ZNF69: variants seen among roughly 807,000 people sequenced by gnomAD.
ZNF69 encodes the protein zinc finger protein 69, also known as ZNF3.
Under a neutral mutation model 50.9 loss-of-function variants are expected in ZNF69, and 47 were observed. The ratio of observed to expected loss-of-function variants is 0.92; its 90% CI spans 0.73 to 1.18. The LOEUF (loss-of-function observed/expected upper bound fraction) is 1.18, where lower values mean the gene tolerates loss of function less well. Ranked by LOEUF, ZNF69 falls within the 50% of genes most tolerant of loss-of-function variation. The pLI is 0.00. For missense variants in ZNF69, 717 were observed against 675.1 expected, an observed-to-expected ratio of 1.06 and a Z score of -0.69; for synonymous variants, 216 against 223.1, an observed-to-expected ratio of 0.97 and a Z score of 0.29.
the ZNF69 span, among the ~76,000 whole-genome samples, chr19:11,965,775 C>A: frequency 3.3e-5 from 5 of 152,126 alleles, no homozygotes; most frequent in African/African-American, 4.8e-5. Flanking sequence ...AAACACAACC[C>A]CAAGAAGCCT....
At chr19:11,948,823 A>G in the ZNF69 span, 13 of 1,608,242 alleles carry the variant, frequency 8.1e-6, no homozygotes, top group Non-Finnish European at 1.1e-5. Context: ...TACCCTTCAA[A>G]TACATGAAAG....
At chr19:11,964,925 C>G in the ZNF69 span, 2 of 441,710 alleles carry the variant, frequency 4.5e-6, no homozygotes, top group Non-Finnish European at 8.3e-6. Flanking sequence ...GCCTGATACC[C>G]AAGGCTTCCG....
At chr19:11,902,844 C>T (rs1972275130) in intron 1 of ZNF69, among the ~76,000 whole-genome samples, 1 of 152,030 alleles carries the variant, frequency 6.6e-6, no homozygotes, top group African/African-American at 2.4e-5. Flanking sequence ...ATGACAGATG[C>T]TACAGTCCAA....
chr19:11,927,025 C>T, the ZNF69 span, among the ~76,000 whole-genome samples: 15 of 152,064 alleles, frequency 9.9e-5, no homozygotes, highest in Non-Finnish European at 1.3e-4. Flanking sequence ...GAATTCAAGA[C>T]GAGTCACAAA....
chr19:11,925,099 G>A, the ZNF69 span: 1 of 1,264,602 alleles, frequency 7.9e-7, no homozygotes, highest in Non-Finnish European at 1.1e-6. Context: ...AATGGAGGGG[G>A]TCGCTTTCCT....
rs75636307 is a variant in ZNF69 at position 11,906,243 on chromosome 19, A to G, written c.*145A>G. Reference sequence around the variant, plus strand: ...AGTAAAGGACACAAGCACACATAAGAATGCATTCTGGATAGCTGAACAAAA... The same window carrying G: ...AGTAAAGGACACAAGCACACATAAGGATGCATTCTGGATAGCTGAACAAAA... On this transcript the variant is annotated 3_prime_UTR_variant, in exon 4 of 4. Coordinates refer to ENST00000429654, the MANE Select transcript of ZNF69 (RefSeq NM_001364730.1). The G allele has an allele frequency of 0.016, 23,854 of 1,506,272 alleles. 520 individuals are homozygous for G. Among genetic ancestry groups the G allele is most frequent in the African/African-American group, 0.11 (7,733 of 71,558 alleles). The allele number at this position is 1,506,272 out of a possible 1,614,324, so 93.3% of individuals were successfully genotyped here. A position where few individuals can be genotyped will look rare whatever the true frequency, so the allele number is the denominator to read the frequency against.
intron 1 of ZNF69, among the ~76,000 whole-genome samples, chr19:11,900,832 C>A (rs1307260594): frequency 6.6e-6 from 1 of 152,012 alleles, no homozygotes; most frequent in African/African-American, 2.4e-5. Context: ...GAATGAAGTC[C>A]AATTTATCGA....
the ZNF69 span, among the ~76,000 whole-genome samples, chr19:11,924,579 G>A: frequency 1.2e-4 from 19 of 152,198 alleles, no homozygotes; most frequent in Non-Finnish European, 1.9e-4. Context: ...CCTGGTGAGA[G>A]TTTCCTGCTG....
the ZNF69 span, chr19:11,948,569 G>C: frequency 1.9e-6 from 3 of 1,606,862 alleles, no homozygotes; most frequent in Non-Finnish European, 2.5e-6. Context: ...CCATCCATTA[G>C]AACACAAGAA....
At position 11,905,052 on chromosome 19, in the gene ZNF69, C is replaced by G. The variant is rs775881981; in HGVS notation, c.655C>G (p.Pro219Ala). ...RHVVMHSGDG[P>A]YKCKFCGKAF... ...CGTGGTAATGCACAGTGGGGATGGA[C>G]CTTATAAATGTAAATTTTGTGGGAA... The change falls in exon 4 of 4, where the codon CCT (proline) becomes GCT (alanine). Residue 219 changes from proline to alanine, a missense_variant. By Grantham distance (27) the Pro-to-Ala change is conservative (BLOSUM62 -1). Coordinates refer to ENST00000429654, the MANE Select transcript of ZNF69 (RefSeq NM_001364730.1). 7 of 1,613,974 alleles carry G rather than the reference C, an allele frequency of 4.3e-6. No homozygotes were observed. In the East Asian group the frequency reaches 1.3e-4, roughly 31 times the overall value.
downstream of ZNF69, among the ~76,000 whole-genome samples, chr19:11,915,172 T>C (rs1260767274): frequency 1.3e-5 from 2 of 152,150 alleles, no homozygotes; most frequent in Admixed American, 1.3e-4. Context: ...CATTGCACCC[T>C]GCAGCCTAGT....
chr19:11,920,122 T>C, the ZNF69 span, among the ~76,000 whole-genome samples: 1 of 151,334 alleles, frequency 6.6e-6, no homozygotes, highest in Non-Finnish European at 1.5e-5. Context: ...TTTTTTTTTT[T>C]CTTCCTGAGA....
At chr19:11,943,290 G>A in the ZNF69 span, among the ~76,000 whole-genome samples, 2 of 152,130 alleles carry the variant, frequency 1.3e-5, no homozygotes, top group African/African-American at 4.8e-5. Flanking sequence ...GACAGCAATT[G>A]GTTAGGTTAA....
the ZNF69 span, among the ~76,000 whole-genome samples, chr19:11,941,090 C>A: frequency 2.0e-3 from 297 of 152,294 alleles, 2 homozygotes; most frequent in African/African-American, 6.6e-3. Flanking sequence ...ATTCACAAAC[C>A]CTGAGCTAGA....
intron 1 of ZNF69, among the ~76,000 whole-genome samples, chr19:11,889,002 C>T (rs149369239): frequency 3.5e-4 from 53 of 151,840 alleles, no homozygotes; most frequent in South Asian, 1.9e-3. Flanking sequence ...ACAGAAAGGG[C>T]GGGACCTGTG....
At chr19:11,977,116 C>A in the ZNF69 span, 2 of 1,614,010 alleles carry the variant, frequency 1.2e-6, no homozygotes, top group African/African-American at 1.3e-5. Flanking sequence ...GCAGAGGAAA[C>A]TCTACAGGGA....
At chr19:11,967,490 C>T in the ZNF69 span, among the ~76,000 whole-genome samples, 6 of 152,058 alleles carry the variant, frequency 3.9e-5, no homozygotes, top group African/African-American at 1.4e-4. Flanking sequence ...CTGCAAGCTC[C>T]ACCTCCCGGG....
the ZNF69 span, among the ~76,000 whole-genome samples, chr19:11,929,791 A>G: frequency 2.0e-5 from 3 of 148,136 alleles, no homozygotes; most frequent in Middle Eastern, 3.4e-3. Context: ...TTGCAGTGAA[A>G]TCTGTTTCTG....
the ZNF69 span, chr19:11,978,039 TA>T: frequency 1.3e-6 from 2 of 1,546,458 alleles, no homozygotes; most frequent in South Asian, 1.2e-5. Context: ...TGGACCATGT[TA>T]AAAATGCAAG....
Sources: gnomAD v4.1 joint callset for allele counts (sites outside exome capture counted in the v4.1 genomes callset) on GRCh38, gnomAD v4.1.1 for gene constraint, MANE v1.5 for transcripts, NCBI Gene and HGNC (gene_info 2026-07-23, HGNC 2026-07-21) for gene names.